The following NBEAL1 variants were observed in gnomAD, a reference collection of about 807,000 sequenced individuals.
The protein encoded by NBEAL1 is neurobeachin like 1.
Under a neutral mutation model 351.3 loss-of-function variants are expected in NBEAL1, and 273 were observed. The ratio of observed to expected loss-of-function variants is 0.78; its 90% confidence interval spans 0.70 to 0.86. The LOEUF (loss-of-function observed/expected upper bound fraction) is 0.86, where lower values mean the gene tolerates loss of function less well. Among genes scored for constraint, NBEAL1 ranks in the 40% least tolerant of loss-of-function variants. The probability of loss-of-function intolerance (pLI) is 0.00; values close to 1 mark genes in which losing one functional copy is unlikely to be tolerated. For missense variants in NBEAL1, 2,961 were observed against 3,201.3 expected, an observed-to-expected ratio of 0.92 and a Z score of 1.81; for synonymous variants, 1,050 against 1,086.4, an observed-to-expected ratio of 0.97 and a Z score of 0.66.
intron 2 of NBEAL1, 46 bp from the exon 3 acceptor site, chr2:203,041,719 T>TA: frequency 7.5e-7 from 1 of 1,328,282 alleles, no homozygotes; most frequent in Non-Finnish European, 1.0e-6. Flanking sequence ...GCATTTTTTT[T>TA]TTCCTGATAG....
Position 203,144,917 on chromosome 2 carries a change from CT to C in NBEAL1, c.5154+18del, listed in dbSNP as rs1233724794. On this transcript the variant is annotated intron_variant, in intron 32 of 55. Transcript: ENST00000683969. ...ACATTGAAAAATATGTAAGTTTTAT[CT>C]TTTTTGATCAAGATTTTTCTGCTAA... is the stretch of plus-strand genomic sequence containing the variant. 3 of 1,553,022 alleles carry C rather than the reference CT, an allele frequency of 1.9e-6. No individual in the cohort carries two copies. In the African/African-American group the frequency reaches 4.2e-5, roughly 22 times the overall value.
chr2:203,027,466 A>G (rs1364902216), intron 2 of NBEAL1, among the ~76,000 whole-genome samples: 1 of 152,188 alleles, frequency 6.6e-6, no homozygotes, highest in Non-Finnish European at 1.5e-5. Context: ...ATTTCACACA[A>G]AAGTCAAGCA....
intron 2 of NBEAL1, chr2:203,040,315 A>G: frequency 1.4e-6 from 1 of 740,478 alleles, no homozygotes; most frequent in Admixed American, 2.0e-5. Context: ...GGTGCATCTC[A>G]GACGACTAGA....
At chr2:203,204,083 C>T (rs1029669356) in intron 51 of NBEAL1, among the ~76,000 whole-genome samples, 1 of 151,538 alleles carries the variant, frequency 6.6e-6, no homozygotes, top group Admixed American at 6.6e-5. Flanking sequence ...CGCGTGCCAC[C>T]ATGCCCAACT....
At chr2:203,071,012 C>G (rs1274009341) in intron 7 of NBEAL1, among the ~76,000 whole-genome samples, 3 of 152,158 alleles carry the variant, frequency 2.0e-5, no homozygotes. Context: ...GACCCTCCTT[C>G]CTCAGTCTTC....
chr2:203,121,830 G>A (rs1440191644), intron 18 of NBEAL1, among the ~76,000 whole-genome samples: 1 of 151,732 alleles, frequency 6.6e-6, no homozygotes, highest in African/African-American at 2.4e-5. Flanking sequence ...CTGTCACTGA[G>A]GCTGGAGTGC....
At chr2:203,081,636 T>C (rs1208187486) in intron 8 of NBEAL1, among the ~76,000 whole-genome samples, 1 of 152,252 alleles carries the variant, frequency 6.6e-6, no homozygotes, top group Non-Finnish European at 1.5e-5. Flanking sequence ...CTGGTGCCTC[T>C]GGGATCTTCA....
At position 203,138,153 on chromosome 2, in the gene NBEAL1, T is replaced by C. The variant is rs1293598707; in HGVS notation, c.4566-9T>C. The stretch of plus-strand genomic sequence containing the variant: ...CAATGGTTTTAAGAGGACTTTGTTT[T>C]CCATTTAGTTTGCTACAAAAGATGT... On this transcript the variant is annotated splice_polypyrimidine_tract_variant and intron_variant, in intron 29 of 55. Transcript: ENST00000683969. 2 of 1,612,542 alleles carry C rather than the reference T, an allele frequency of 1.2e-6. No individual in the cohort carries two copies. The highest frequency in any genetic ancestry group is 3.4e-5 in the Admixed American group (2 of 59,594).
rs1401483167 is a variant in NBEAL1, at chr2:203,209,164, G to C, written c.7627G>C (p.Gly2543Arg). 2 of 1,610,198 alleles carry C rather than the reference G, an allele frequency of 1.2e-6. No individual in the cohort carries two copies. The highest frequency in any genetic ancestry group is 2.7e-5 in the African/African-American group (2 of 74,772). Residue 2543 changes from glycine (G) to arginine (R), a missense_variant, in exon 53 of 56, where the codon GGA becomes CGA. Physicochemically the swap from Gly to Arg is moderately radical, Grantham distance 125. Coordinates refer to ENST00000683969, the MANE Select transcript of NBEAL1 (RefSeq NM_001378026.1). Reference sequence around the variant, plus strand: ...TTCTGATATATCCTGTGTGTAGGATGGAACGGTGATTATACATACCATTCA... The same window carrying C: ...TTCTGATATATCCTGTGTGTAGGATCGAACGGTGATTATACATACCATTCA... ...LDMAVSGSRD[G>R]TVIIHTIQKG...
chr2:203,193,725 A>C (rs1157417059), intron 46 of NBEAL1, 70 bp from the exon 47 acceptor site: 1 of 1,010,144 alleles, frequency 9.9e-7, no homozygotes, highest in Non-Finnish European at 1.5e-6. Context: ...AGCCTAGTGT[A>C]TATGAAGGAA....
rs905477219 is a variant in NBEAL1, at chr2:203,223,587, T to A, written c.*6233T>A. 6.6e-6 allele frequency among the ~76,000 whole-genome samples: 1 copy of A among 152,120 alleles called. No individual in the cohort carries two copies. Among genetic ancestry groups the A allele is most frequent in the South Asian group, 2.1e-4 (1 of 4,838 alleles). ...AAAATTAGGATTTAGGTGGGATTTTTAAAAATTTATCAATTCAGCTACTTT... is the reference window on the plus strand; with the variant it reads ...AAAATTAGGATTTAGGTGGGATTTTAAAAAATTTATCAATTCAGCTACTTT... On this transcript the variant is annotated 3_prime_UTR_variant, in exon 56 of 56. Coordinates refer to ENST00000683969, the MANE Select transcript of NBEAL1 (RefSeq NM_001378026.1).
chr2:203,018,002 A>G (rs1377374976), intron 2 of NBEAL1, among the ~76,000 whole-genome samples: 1 of 152,084 alleles, frequency 6.6e-6, no homozygotes, highest in African/African-American at 2.4e-5. Context: ...ACTTGTTTTC[A>G]AAGAATATTT....
chr2:203,100,717 T>G (rs142137554), intron 12 of NBEAL1, among the ~76,000 whole-genome samples: 2,233 of 152,020 alleles, frequency 0.015, 27 homozygotes, highest in Middle Eastern at 0.048. Flanking sequence ...CCGGCTAATT[T>G]TTGTATTTTT....
chr2:203,119,169 ATT>A (rs893486620), intron 18 of NBEAL1, among the ~76,000 whole-genome samples: 7 of 141,690 alleles, frequency 4.9e-5, no homozygotes, highest in Non-Finnish European at 3.1e-5. Flanking sequence ...GTTGGATTCT[ATT>A]TTTTTTTTTT....
In NBEAL1 at chr2:203,052,863, G is replaced by A. The variant is rs183765014; in HGVS notation, c.305+2888G>A. ...GACCTCCCAAGGTGCTGGGACTATAGGCATGAACCACCGCACCTGGTCCTC... is the reference window on the plus strand; with the variant it reads ...GACCTCCCAAGGTGCTGGGACTATAAGCATGAACCACCGCACCTGGTCCTC... On this transcript the variant is annotated intron_variant, in intron 4 of 55. Transcript: ENST00000683969. Among the ~76,000 whole-genome samples, 120 of 152,070 alleles carry A rather than the reference G, an allele frequency of 7.9e-4. 1 individual carries two copies. In the East Asian group the frequency reaches 0.019, roughly 24 times the overall value.
At chr2:203,072,449 T>C (rs1229258997) in intron 7 of NBEAL1, among the ~76,000 whole-genome samples, 1 of 152,080 alleles carries the variant, frequency 6.6e-6, no homozygotes, top group African/African-American at 2.4e-5. Context: ...GAGAATTTTC[T>C]AAATCTTCAG....
chr2:203,218,271 A>C lies in NBEAL1; in HGVS notation c.*917A>C, dbSNP rs2065918173. 2 of 152,050 alleles carry C rather than the reference A, an allele frequency of 1.3e-5. No individual in the cohort carries two copies. Among genetic ancestry groups the C allele is most frequent in the African/African-American group, 4.8e-5 (2 of 41,424 alleles). 9.4% of individuals were successfully genotyped at this position (152,050 alleles called of 1,614,324 possible). A position where few individuals can be genotyped will look rare whatever the true frequency, so the allele number is the denominator to read the frequency against. ...TAACTTAAAATAATCATTTATATAT[A>C]GTAATTTAAAAATTTCTATTTCATG... is the stretch of plus-strand genomic sequence containing the variant. On this transcript the variant is annotated 3_prime_UTR_variant, in exon 56 of 56. Coordinates refer to ENST00000683969, the MANE Select transcript of NBEAL1 (RefSeq NM_001378026.1).
chr2:203,212,534 G>C (rs2065814801), intron 54 of NBEAL1, among the ~76,000 whole-genome samples: 1 of 151,402 alleles, frequency 6.6e-6, no homozygotes. Flanking sequence ...CTTGAACTCA[G>C]GAGGCAGAGG....
rs760324778 is a variant in NBEAL1, at chr2:203,145,128, C to G, written c.5272C>G (p.Arg1758Gly). Reference protein sequence around the residue: ...ALMVNMHKRDREGGESKLKFQ... With the variant: ...ALMVNMHKRDGEGGESKLKFQ... ...AATGGTAAATATGCATAAACGAGAC[C>G]GGGAAGGAGGGGAAAGCAAGCTCAA... Residue 1758 changes from arginine (R) to glycine (G), a missense_variant, in exon 33 of 56, where the codon CGG (arginine) becomes GGG (glycine). Arg to Gly is a moderately radical substitution (Grantham distance 125). Transcript: ENST00000683969. 10 of 1,607,886 alleles carry G rather than the reference C, an allele frequency of 6.2e-6. No homozygotes were observed. The East Asian group carries it at 1.6e-4, about 25-fold the overall frequency.
Sources: allele counts gnomAD v4.1 joint callset (sites outside exome capture counted in the v4.1 genomes callset), GRCh38; gene constraint gnomAD v4.1.1; transcripts MANE v1.5; gene names NCBI Gene and HGNC (gene_info 2026-07-23, HGNC 2026-07-21).